The following AHCYL2 variants were observed in gnomAD, a reference collection of about 807,000 sequenced individuals.
AHCYL2 encodes the protein adenosylhomocysteinase like 2, also known as S-adenosylhomocysteine hydrolase-like protein 2.
In AHCYL2, 28 loss-of-function variants were observed where a neutral mutation model predicts 81.4. The observed-to-expected ratio is 0.34, with a 90% CI of 0.25 to 0.47. AHCYL2 has a LOEUF of 0.47. Among genes scored for constraint, AHCYL2 ranks in the 20% least tolerant of loss-of-function variants. The pLI is 1.00. For synonymous variants in AHCYL2, 272 were observed against 290.2 expected (o/e 0.94, Z 0.64); for missense variants, 551 against 785.1 (o/e 0.70, Z 3.56).
intron 1 of AHCYL2, among the ~76,000 whole-genome samples, chr7:129,239,832 C>T (rs1794779642): frequency 6.6e-6 from 1 of 151,662 alleles, no homozygotes; most frequent in Non-Finnish European, 1.5e-5. Flanking sequence ...CACACAGAGA[C>T]ACTTCCCCCA....
intron 1 of AHCYL2, among the ~76,000 whole-genome samples, chr7:129,373,975 C>A (rs1794545200): frequency 1.3e-5 from 2 of 152,094 alleles, no homozygotes; most frequent in Non-Finnish European, 2.9e-5. Flanking sequence ...TGACATTGGG[C>A]AAAGTTGCCT....
At chr7:129,292,313 TA>T (rs1796894179) in intron 1 of AHCYL2, among the ~76,000 whole-genome samples, 1 of 152,164 alleles carries the variant, frequency 6.6e-6, no homozygotes, top group Non-Finnish European at 1.5e-5. Context: ...TGGATAAAGA[TA>T]AAATAAGTCA....
At chr7:129,234,534 C>T (rs960058554) in intron 1 of AHCYL2, among the ~76,000 whole-genome samples, 3 of 151,886 alleles carry the variant, frequency 2.0e-5, no homozygotes, top group Non-Finnish European at 4.4e-5. Flanking sequence ...CGAGCCCACA[C>T]CTGGCCAAGA....
chr7:129,225,547 A>G, intron 1 of AHCYL2, 108 bp downstream of exon 1: 1 of 1,388,940 alleles, frequency 7.2e-7, no homozygotes, highest in Non-Finnish European at 9.3e-7. Context: ...TGATCGCAGG[A>G]CCGGAGATAC....
chr7:129,368,366 T>C lies in AHCYL2; in HGVS notation c.364-11272T>C. 6.6e-7 allele frequency: 1 copy of C among 1,514,330 alleles called. No individual in the cohort carries two copies. 93.8% of individuals were successfully genotyped at this position (1,514,330 alleles called of 1,614,324 possible). On this transcript the variant is annotated intron_variant, in intron 1 of 16. Coordinates refer to ENST00000325006, the MANE Select transcript of AHCYL2 (RefSeq NM_015328.4). The surrounding 1 kb of genome is among the most constrained non-coding windows in gnomAD (Gnocchi z 4.4). ...AGGCTGCTGTGAAAAGGGATGCAGC[T>C]TCTGCTAGCCACTGTGAACTTCTGA...
chr7:129,308,423 A>T (rs566342601), intron 1 of AHCYL2, among the ~76,000 whole-genome samples: 15 of 152,200 alleles, frequency 9.9e-5, no homozygotes, highest in Non-Finnish European at 2.1e-4. Flanking sequence ...CAGATTGCCC[A>T]TGTGGGTGCT....
chr7:129,251,112 C>A (rs1019390264), intron 1 of AHCYL2, among the ~76,000 whole-genome samples: 2 of 152,136 alleles, frequency 1.3e-5, no homozygotes, highest in African/African-American at 4.8e-5. Context: ...ATTTTACAGT[C>A]CAAACCTGTT....
chr7:129,410,922 A>C (rs531853765), intron 11 of AHCYL2, among the ~76,000 whole-genome samples: 4 of 152,158 alleles, frequency 2.6e-5, no homozygotes, highest in Non-Finnish European at 4.4e-5. Flanking sequence ...GTTCATATCA[A>C]TCCCCTGGAT....
At chr7:129,414,810 G>A (rs981044487) in intron 12 of AHCYL2, among the ~76,000 whole-genome samples, 3 of 152,056 alleles carry the variant, frequency 2.0e-5, no homozygotes, top group Admixed American at 1.3e-4. Context: ...TTTATGGCAC[G>A]CTTGTATTTC....
intron 1 of AHCYL2, among the ~76,000 whole-genome samples, chr7:129,317,285 A>G (rs1797855862): frequency 1.3e-5 from 2 of 152,188 alleles, no homozygotes; most frequent in Admixed American, 6.5e-5. Context: ...GTCAGGTTCT[A>G]TTTAACTAGG....
intron 1 of AHCYL2, among the ~76,000 whole-genome samples, chr7:129,226,654 C>T (rs1794232846): frequency 6.6e-6 from 1 of 152,114 alleles, no homozygotes; most frequent in African/African-American, 2.4e-5. Context: ...AGCGGATAAT[C>T]CTTTCATCCT....
chr7:129,229,174 T>TC (rs1386858005), intron 1 of AHCYL2, among the ~76,000 whole-genome samples: 1 of 152,030 alleles, frequency 6.6e-6, no homozygotes, highest in East Asian at 1.9e-4. Flanking sequence ...TTCAAGCGAT[T>TC]CCCCTGCCTC....
intron 1 of AHCYL2, among the ~76,000 whole-genome samples, chr7:129,374,644 TAA>T (rs1794583758): frequency 6.6e-6 from 1 of 151,852 alleles, no homozygotes; most frequent in African/African-American, 2.4e-5. Flanking sequence ...CCATGTTTAC[TAA>T]AAATACAAAA....
At chr7:129,266,485 C>G (rs1795815304) in intron 1 of AHCYL2, among the ~76,000 whole-genome samples, 1 of 151,234 alleles carries the variant, frequency 6.6e-6, no homozygotes, top group African/African-American at 2.4e-5. Context: ...GCCGAGATCT[C>G]ACAATTGCAC....
At chr7:129,336,054 C>T (rs1798591014) in intron 1 of AHCYL2, among the ~76,000 whole-genome samples, 1 of 135,878 alleles carries the variant, frequency 7.4e-6, no homozygotes, top group South Asian at 2.2e-4. Flanking sequence ...CTCTTCTTTT[C>T]TCTTCTCTTT....
At chr7:129,403,317 G>A in intron 6 of AHCYL2, 62 bp from the exon 7 acceptor site, 2 of 1,094,132 alleles carry the variant, frequency 1.8e-6, no homozygotes, top group Admixed American at 4.6e-5. Context: ...AAGACCCAGA[G>A]AAGCACTGAA....
At chr7:129,273,747 A>G (rs1015023610) in intron 1 of AHCYL2, among the ~76,000 whole-genome samples, 3 of 152,140 alleles carry the variant, frequency 2.0e-5, no homozygotes, top group African/African-American at 7.2e-5. Context: ...GCTTCTAGGG[A>G]TCTTAAGTGT....
intron 1 of AHCYL2, among the ~76,000 whole-genome samples, chr7:129,309,793 C>T (rs1167964550): frequency 1.3e-5 from 2 of 151,988 alleles, no homozygotes. Flanking sequence ...CTTTACCAGT[C>T]ACCATTTTTT....
intron 1 of AHCYL2, among the ~76,000 whole-genome samples, chr7:129,289,574 T>C (rs1322716679): frequency 6.6e-6 from 1 of 152,226 alleles, no homozygotes; most frequent in Admixed American, 6.5e-5. Context: ...ATAATACATA[T>C]TGGAAAGTCA....
Sources: allele counts gnomAD v4.1 joint callset (sites outside exome capture counted in the v4.1 genomes callset), GRCh38; gene constraint gnomAD v4.1.1; non-coding constraint Gnocchi (gnomAD v3.1); transcripts MANE v1.5; gene names NCBI Gene and HGNC (gene_info 2026-07-23, HGNC 2026-07-21).